FUT8: variants seen among roughly 807,000 people sequenced by gnomAD.
FUT8 encodes the protein alpha-(1,6)-fucosyltransferase.
In FUT8, 29 loss-of-function variants were observed where a neutral mutation model predicts 71.3. That is an observed-to-expected ratio of 0.41 (90% confidence interval 0.30 to 0.55). The LOEUF (loss-of-function observed/expected upper bound fraction) is 0.55. Among genes scored for constraint, FUT8 ranks in the 20% least tolerant of loss-of-function variants. The pLI is 0.34. For synonymous variants in FUT8, 254 were observed against 239.3 expected (o/e 1.06, Z -0.57); for missense variants, 544 against 702.1 (o/e 0.77, Z 2.55).
intron 3 of FUT8, among the ~76,000 whole-genome samples, chr14:65,580,785 A>G (rs1263642523): frequency 6.6e-6 from 1 of 152,090 alleles, no homozygotes; most frequent in Non-Finnish European, 1.5e-5. Flanking sequence ...ATCTTGAGAA[A>G]GTTGTGACCT....
At chr14:65,532,788 A>G (rs762697054) in intron 2 of FUT8, among the ~76,000 whole-genome samples, 1 of 152,070 alleles carries the variant, frequency 6.6e-6, no homozygotes, top group Non-Finnish European at 1.5e-5. Flanking sequence ...TAAGTCTTTA[A>G]TCCGTCTTGA....
At chr14:65,640,473 C>T (rs779425728) in intron 6 of FUT8, among the ~76,000 whole-genome samples, 16 of 151,936 alleles carry the variant, frequency 1.1e-4, no homozygotes, top group Non-Finnish European at 2.4e-4. Flanking sequence ...TTATTTAATG[C>T]CTTCCTAAAT....
intron 1 of FUT8, among the ~76,000 whole-genome samples, chr14:65,451,358 A>G (rs2065822688): frequency 6.6e-6 from 1 of 152,274 alleles, no homozygotes; most frequent in African/African-American, 2.4e-5. Flanking sequence ...TGCTTTAGCC[A>G]CAGCAGGAGT....
intron 2 of FUT8, among the ~76,000 whole-genome samples, chr14:65,517,393 T>C (rs974441348): frequency 6.6e-6 from 1 of 152,186 alleles, no homozygotes; most frequent in Non-Finnish European, 1.5e-5. Context: ...TACAGTCTAA[T>C]AACAGTAATA....
At chr14:65,479,303 A>G (rs779214162) in intron 2 of FUT8, among the ~76,000 whole-genome samples, 4 of 152,264 alleles carry the variant, frequency 2.6e-5, no homozygotes, top group Non-Finnish European at 4.4e-5. Flanking sequence ...TTCAGATAGA[A>G]TGGTTGGCCC....
chr14:65,713,333 G>A (rs1894897813), intron 7 of FUT8, among the ~76,000 whole-genome samples: 1 of 152,116 alleles, frequency 6.6e-6, no homozygotes, highest in Admixed American at 6.5e-5. Flanking sequence ...TCAAATCTTG[G>A]CTATTGTGAA....
intron 7 of FUT8, among the ~76,000 whole-genome samples, chr14:65,691,978 T>C (rs938842228): frequency 8.5e-5 from 13 of 152,082 alleles, no homozygotes; most frequent in African/African-American, 2.9e-4. Context: ...CAGAACAAAA[T>C]GAAAAGTCTC....
intron 2 of FUT8, among the ~76,000 whole-genome samples, chr14:65,512,967 C>T (rs559661383): frequency 4.6e-4 from 70 of 151,638 alleles, no homozygotes; most frequent in African/African-American, 1.5e-3. Context: ...CCAAGACCAT[C>T]CTTTTCTTAG....
At chr14:65,599,672 G>A (rs1474300519) in intron 3 of FUT8, among the ~76,000 whole-genome samples, 1 of 152,124 alleles carries the variant, frequency 6.6e-6, no homozygotes, top group Non-Finnish European at 1.5e-5. Context: ...TCAACATTTT[G>A]TCCTAAGTGT....
chr14:65,650,716 A>AC (rs1891355544), intron 6 of FUT8, among the ~76,000 whole-genome samples: 4 of 150,718 alleles, frequency 2.7e-5, no homozygotes, highest in Non-Finnish European at 5.9e-5. Context: ...ACAAAAAAAA[A>AC]AAAAAAAAAA....
In FUT8 at chr14:65,472,953, C is replaced by T. The variant is rs1041163687; in HGVS notation, c.-228+17235C>T. The stretch of plus-strand genomic sequence containing the variant: ...TTAGAAAACTTTACATTGAAAAGAT[C>T]ACATTATAGATAATTTAGACAACTT... On this transcript the variant is annotated intron_variant, in intron 2 of 10. Transcript: ENST00000673929. The surrounding 1 kb of genome is among the most constrained non-coding windows in gnomAD (Gnocchi z 4.4). Among the ~76,000 whole-genome samples, 2 of 151,976 alleles carry T rather than the reference C, an allele frequency of 1.3e-5. No homozygotes were observed. Among genetic ancestry groups the T allele is most frequent in the Admixed American group, 6.5e-5 (1 of 15,272 alleles).
intron 2 of FUT8, among the ~76,000 whole-genome samples, chr14:65,474,679 T>C (rs1311054871): frequency 6.6e-6 from 1 of 152,158 alleles, no homozygotes; most frequent in East Asian, 1.9e-4. Context: ...TATAAATCCA[T>C]GTGGCTTTTT....
chr14:65,452,839 A>G (rs906749578), intron 1 of FUT8, among the ~76,000 whole-genome samples: 4 of 152,194 alleles, frequency 2.6e-5, no homozygotes, highest in African/African-American at 9.7e-5. Context: ...TCTAGTTTTT[A>G]TTTCTAGATG....
chr14:65,555,709 C>T (rs1286145964), intron 2 of FUT8, among the ~76,000 whole-genome samples: 1 of 152,310 alleles, frequency 6.6e-6, no homozygotes, highest in East Asian at 1.9e-4. Flanking sequence ...TCAGACATTA[C>T]AGTCTTCTTT....
At chr14:65,361,229 A>C in the FUT8 span, among the ~76,000 whole-genome samples, 1 of 149,200 alleles carries the variant, frequency 6.7e-6, no homozygotes. Context: ...GGTGGTGTGC[A>C]CCTGTAATCC....
At chr14:65,367,513 A>G in the FUT8 span, among the ~76,000 whole-genome samples, 1 of 152,174 alleles carries the variant, frequency 6.6e-6, no homozygotes, top group Non-Finnish European at 1.5e-5. Flanking sequence ...GATGGAAAGA[A>G]AGTCCTAAAA....
chr14:65,638,527 CA>C lies in FUT8; in HGVS notation c.597+8926del, dbSNP rs1032528071. On this transcript the variant is annotated intron_variant, in intron 6 of 10. Transcript: ENST00000673929. The surrounding 1 kb of genome is among the most constrained non-coding windows in gnomAD (Gnocchi z 4.5). ...ATGAGGATAGGGATTTTTTTTCATTCAAAAATAAGTTTTATTGGAGAAATAG... is the reference window on the plus strand; with the variant it reads ...ATGAGGATAGGGATTTTTTTTCATTCAAAATAAGTTTTATTGGAGAAATAG... Among the ~76,000 whole-genome samples, 3 of 150,522 alleles carry C rather than the reference CA, an allele frequency of 2.0e-5. No homozygotes were observed. The highest frequency in any genetic ancestry group is 4.4e-5 in the Non-Finnish European group (3 of 67,660).
chr14:65,490,160 C>A (rs1402753630), intron 2 of FUT8, among the ~76,000 whole-genome samples: 1 of 151,996 alleles, frequency 6.6e-6, no homozygotes, highest in Non-Finnish European at 1.5e-5. Flanking sequence ...CTGTAAGAGG[C>A]TGTTTACTCT....
At chr14:65,639,978 A>G (rs1209046605) in intron 6 of FUT8, among the ~76,000 whole-genome samples, 2 of 152,086 alleles carry the variant, frequency 1.3e-5, no homozygotes, top group African/African-American at 4.8e-5. Flanking sequence ...CAACTGCCAA[A>G]TACATTTTAA....
Sources: allele counts gnomAD v4.1 joint callset (sites outside exome capture counted in the v4.1 genomes callset), GRCh38; gene constraint gnomAD v4.1.1; non-coding constraint Gnocchi (gnomAD v3.1); transcripts MANE v1.5; gene names NCBI Gene and HGNC (gene_info 2026-07-23, HGNC 2026-07-21).